SDK1: variants seen among roughly 807,000 people sequenced by gnomAD.
The protein encoded by SDK1 is sidekick cell adhesion molecule 1.
SDK1 carries 157 observed loss-of-function variants against 245.5 expected under a neutral mutation model. That is an observed-to-expected ratio of 0.64 (90% CI 0.56 to 0.73). The LOEUF (loss-of-function observed/expected upper bound fraction) is 0.73, where lower values mean the gene tolerates loss of function less well. SDK1 is among the 30% of genes least tolerant of loss of function. SDK1 has a pLI of 0.00. For synonymous variants in SDK1, 1,647 were observed against 1,278.5 expected (o/e 1.29, Z -6.15); for missense variants, 3,583 against 3,002.3 (o/e 1.19, Z -4.52).
intron 1 of SDK1, among the ~76,000 whole-genome samples, chr7:3,509,428 G>A (rs1035195315): frequency 3.8e-4 from 58 of 152,132 alleles, no homozygotes; most frequent in African/African-American, 1.3e-3. Flanking sequence ...ACAGGGTAAT[G>A]ATAATACACA....
rs375626763 is a variant in SDK1, at chr7:4,077,201, C to A, written c.3202+12C>A. On this transcript the variant is annotated intron_variant, in intron 21 of 44. Coordinates refer to ENST00000404826, the MANE Select transcript of SDK1 (RefSeq NM_152744.4). ...TGGAGTGCCCCCAGGTCAGTAGAATCGTGTGCGGTCCTCCTGCTGTCACCT... is the reference window on the plus strand; with the variant it reads ...TGGAGTGCCCCCAGGTCAGTAGAATAGTGTGCGGTCCTCCTGCTGTCACCT... 3 of 1,611,884 alleles carry A rather than the reference C, an allele frequency of 1.9e-6. No homozygotes were observed. The highest frequency in any genetic ancestry group is 2.5e-6 in the Non-Finnish European group (3 of 1,178,356).
chr7:4,050,709 A>G (rs964250426), intron 18 of SDK1, among the ~76,000 whole-genome samples: 2 of 152,058 alleles, frequency 1.3e-5, no homozygotes, highest in African/African-American at 2.4e-5. Context: ...ATTATAAATA[A>G]TTAAGATTAT....
chr7:3,342,949 C>A (rs1397771027), intron 1 of SDK1, among the ~76,000 whole-genome samples: 1 of 146,952 alleles, frequency 6.8e-6, no homozygotes, highest in Non-Finnish European at 1.5e-5. Flanking sequence ...TATTACTAGC[C>A]ATTAGGGAAA....
rs187568570 is a variant in SDK1 at position 4,261,240 on chromosome 7, G to A, written c.6382-3884G>A. 2.3e-3 allele frequency among the ~76,000 whole-genome samples: 345 copies of A among 152,196 alleles called. 1 individual carries two copies. The highest frequency in any genetic ancestry group is 7.6e-3 in the African/African-American group (317 of 41,526). ...GCTCATGGATCAGAGCTTCCTGCCC[G>A]GGTGCTGATGTGGGTAATTCACTCT... is the stretch of plus-strand genomic sequence containing the variant. On this transcript the variant is annotated intron_variant, in intron 44 of 44. Transcript: ENST00000404826.
chr7:3,730,490 T>TA (rs1442666705), intron 4 of SDK1, among the ~76,000 whole-genome samples: 5 of 151,992 alleles, frequency 3.3e-5, no homozygotes, highest in Admixed American at 6.6e-5. Context: ...CAGAAGGTAA[T>TA]AGAGATGTGA....
chr7:4,003,685 T>C (rs1785243099), intron 14 of SDK1, among the ~76,000 whole-genome samples: 1 of 152,222 alleles, frequency 6.6e-6, no homozygotes, highest in Admixed American at 6.5e-5. Context: ...TGCTGATGCT[T>C]GCTAGACCTT....
intron 20 of SDK1, among the ~76,000 whole-genome samples, chr7:4,073,300 C>CT (rs1780381544): frequency 6.6e-6 from 1 of 152,216 alleles, no homozygotes; most frequent in Non-Finnish European, 1.5e-5. Flanking sequence ...GCCCACCACT[C>CT]TGTCTGTGCT....
chr7:3,626,122 T>A (rs1562612514), intron 2 of SDK1, among the ~76,000 whole-genome samples: 1 of 151,746 alleles, frequency 6.6e-6, no homozygotes. Flanking sequence ...TTTTTTTTTT[T>A]AGACACAGGG....
intron 1 of SDK1, among the ~76,000 whole-genome samples, chr7:3,536,426 C>T (rs181204028): frequency 2.6e-5 from 4 of 152,210 alleles, no homozygotes; most frequent in African/African-American, 7.2e-5. Context: ...TGCCTGTAAT[C>T]TTAGCACTTG....
intron 18 of SDK1, among the ~76,000 whole-genome samples, chr7:4,049,821 A>T (rs1212297311): frequency 6.6e-6 from 1 of 152,228 alleles, no homozygotes; most frequent in Admixed American, 6.5e-5. Context: ...GGCCCCGAGC[A>T]AAGGGAATGG....
At chr7:3,618,788 G>A (rs1024123584) in intron 1 of SDK1, among the ~76,000 whole-genome samples, 1 of 152,220 alleles carries the variant, frequency 6.6e-6, no homozygotes, top group African/African-American at 2.4e-5. Flanking sequence ...TACAGGGATT[G>A]TCCGATATGT....
At chr7:3,457,022 G>A (rs1054042029) in intron 1 of SDK1, among the ~76,000 whole-genome samples, 33 of 152,150 alleles carry the variant, frequency 2.2e-4, no homozygotes, top group African/African-American at 8.0e-4. Flanking sequence ...AGGTGCTTCC[G>A]CAGTCCTGGC....
intron 22 of SDK1, among the ~76,000 whole-genome samples, chr7:4,082,664 A>G (rs151047106): frequency 3.9e-5 from 6 of 152,260 alleles, no homozygotes; most frequent in Admixed American, 6.5e-5. Context: ...TCTGTCACCC[A>G]GACAGGAGTG....
intron 1 of SDK1, among the ~76,000 whole-genome samples, chr7:3,530,575 C>T (rs528420253): frequency 2.5e-4 from 38 of 152,232 alleles, no homozygotes; most frequent in African/African-American, 7.0e-4. Flanking sequence ...GAATGAACAA[C>T]AGAAGGAGTA....
Position 3,775,823 on chromosome 7 carries a change from G to A in SDK1, c.714-45627G>A, listed in dbSNP as rs28563149. 5.5e-3 allele frequency among the ~76,000 whole-genome samples: 839 copies of A among 152,152 alleles called. 9 individuals are homozygous for A. The highest frequency in any genetic ancestry group is 0.019 in the African/African-American group (800 of 41,496). On this transcript the variant is annotated intron_variant, in intron 4 of 44. Coordinates refer to ENST00000404826, the MANE Select transcript of SDK1 (RefSeq NM_152744.4). ...GATCTCCTGACCTCATGATCCACCC[G>A]CCTCGGCCTCCCAAAGTGCTGGGAT...
intron 5 of SDK1, among the ~76,000 whole-genome samples, chr7:3,878,870 A>G (rs967557331): frequency 6.6e-6 from 1 of 152,226 alleles, no homozygotes; most frequent in Non-Finnish European, 1.5e-5. Flanking sequence ...ATGCATACAC[A>G]AAAGTATACA....
intron 1 of SDK1, among the ~76,000 whole-genome samples, chr7:3,352,855 C>T (rs1304363628): frequency 2.0e-5 from 3 of 151,676 alleles, no homozygotes; most frequent in African/African-American, 7.3e-5. Context: ...TGAGTTCTGT[C>T]CTGTATTTTC....
intron 21 of SDK1, among the ~76,000 whole-genome samples, chr7:4,077,896 T>C (rs1314037151): frequency 3.9e-5 from 6 of 152,016 alleles, no homozygotes; most frequent in Non-Finnish European, 1.5e-5. Context: ...ATGATGATGG[T>C]GTGTGGTTTA....
chr7:4,065,613 C>G (rs1013851454), intron 19 of SDK1, among the ~76,000 whole-genome samples: 2 of 147,970 alleles, frequency 1.4e-5, no homozygotes, highest in Non-Finnish European at 1.5e-5. Flanking sequence ...ATCTTCCACA[C>G]TAGAAAAGTG....
Sources: allele counts gnomAD v4.1 joint callset (sites outside exome capture counted in the v4.1 genomes callset), GRCh38; gene constraint gnomAD v4.1.1; transcripts MANE v1.5; gene names NCBI Gene and HGNC (gene_info 2026-07-23, HGNC 2026-07-21).